The following FGF12 variants were observed in gnomAD, a reference collection of about 807,000 sequenced individuals.
The protein encoded by FGF12 is fibroblast growth factor 12B.
FGF12 carries 14 observed loss-of-function variants against 23.6 expected under a neutral mutation model. That is an observed-to-expected ratio of 0.59 (90% CI 0.39 to 0.93). The LOEUF is 0.93. Among genes scored for constraint, FGF12 ranks in the 40% least tolerant of loss-of-function variants. The pLI is 0.00. For missense variants in FGF12, 175 were observed against 217.8 expected, an observed-to-expected ratio of 0.80 and a Z score of 1.24; for synonymous variants, 62 against 77.3, an observed-to-expected ratio of 0.80 and a Z score of 1.04.
At chr3:192,451,814 G>A (rs1157993914) in intron 2 of FGF12, among the ~76,000 whole-genome samples, 1 of 152,126 alleles carries the variant, frequency 6.6e-6, no homozygotes, top group East Asian at 1.9e-4. Flanking sequence ...ATTTATTTAT[G>A]CATTCCGCTA....
rs551685342 is a variant in FGF12 at position 192,569,529 on chromosome 3, A to G, written c.13+157652T>C. Among the ~76,000 whole-genome samples the G allele has an allele frequency of 3.9e-5, 6 of 152,364 alleles. No individual in the cohort carries two copies. The South Asian group carries it at 1.2e-3, about 32-fold the overall frequency. On this transcript the variant is annotated intron_variant, in intron 2 of 5. Coordinates refer to ENST00000445105, the MANE Select transcript of FGF12 (RefSeq NM_004113.6). Reference sequence around the variant, plus strand: ...TATTGTGCTTACATTTCTTTTGCCAAGCAAGTCATTTGTACACACCTAACT... The same window carrying G: ...TATTGTGCTTACATTTCTTTTGCCAGGCAAGTCATTTGTACACACCTAACT...
chr3:192,408,556 G>T lies in FGF12; in HGVS notation c.14-48018C>A. 1 of 1,148,678 alleles carries T rather than the reference G, an allele frequency of 8.7e-7. No homozygotes were observed. Among genetic ancestry groups the T allele is most frequent in the South Asian group, 2.8e-5 (1 of 35,202 alleles). 71.2% of individuals were successfully genotyped at this position (1,148,678 alleles called of 1,614,324 possible). ...GCGATCGGCGTCCAAGGGGCAGTGG[G>T]GAGTTTAGTCACACTGCGTTCGGGG... is the stretch of plus-strand genomic sequence containing the variant. On this transcript the variant is annotated intron_variant, in intron 2 of 5. Transcript: ENST00000445105. The surrounding 1 kb of genome is among the most constrained non-coding windows in gnomAD (Gnocchi z 7.3).
In FGF12 at chr3:192,336,938, T is replaced by C. The variant is rs190789203; in HGVS notation, c.125-1474A>G. 7.2e-5 allele frequency among the ~76,000 whole-genome samples: 11 copies of C among 152,314 alleles called. No homozygotes were observed. The East Asian group carries it at 1.7e-3, about 24-fold the overall frequency. On this transcript the variant is annotated intron_variant, in intron 3 of 5. Transcript: ENST00000445105. This position sits in a 1 kb window ranked among gnomAD's most constrained non-coding sequence, Gnocchi z 4.3. ...GACATCGGATCAGTCCTTTTGCCTCTTTGAATCCATTTCCACATTTTTTAC... is the reference window on the plus strand; with the variant it reads ...GACATCGGATCAGTCCTTTTGCCTCCTTGAATCCATTTCCACATTTTTTAC...
intron 2 of FGF12, among the ~76,000 whole-genome samples, chr3:192,547,512 T>C (rs186448196): frequency 9.8e-5 from 15 of 152,312 alleles, no homozygotes; most frequent in Admixed American, 2.6e-4. Context: ...TAATAAATGA[T>C]TATTATAATT....
At chr3:192,697,363 T>C (rs924993181) in intron 2 of FGF12, among the ~76,000 whole-genome samples, 1 of 152,176 alleles carries the variant, frequency 6.6e-6, no homozygotes, top group Non-Finnish European at 1.5e-5. Context: ...TTCTTGTCTC[T>C]CCCATCAGCA....
At chr3:192,180,751 C>T (rs976105457) in intron 4 of FGF12, among the ~76,000 whole-genome samples, 5 of 152,058 alleles carry the variant, frequency 3.3e-5, no homozygotes, top group African/African-American at 7.3e-5. Flanking sequence ...CTTAACTTTC[C>T]GATGTAAGCA....
chr3:192,610,369 A>T (rs1393974759), intron 2 of FGF12, among the ~76,000 whole-genome samples: 1 of 152,068 alleles, frequency 6.6e-6, no homozygotes, highest in Non-Finnish European at 1.5e-5. Context: ...GCTCCAAGAA[A>T]ATATGAACAG....
chr3:192,715,098 G>C (rs1437882640), intron 2 of FGF12, among the ~76,000 whole-genome samples: 1 of 152,188 alleles, frequency 6.6e-6, no homozygotes, highest in Non-Finnish European at 1.5e-5. Context: ...TTCTTGAAAA[G>C]CTAGTGAATA....
intron 2 of FGF12, among the ~76,000 whole-genome samples, chr3:192,670,484 TAAC>T (rs1717070343): frequency 6.6e-6 from 1 of 152,118 alleles, no homozygotes; most frequent in South Asian, 2.1e-4. Flanking sequence ...GGACAATCTT[TAAC>T]AACAATAGTA....
intron 2 of FGF12, among the ~76,000 whole-genome samples, chr3:192,718,978 C>A (rs1250790772): frequency 6.7e-6 from 1 of 149,688 alleles, no homozygotes; most frequent in East Asian, 1.9e-4. Context: ...CAATAATGGG[C>A]AAACCGAGTT....
At chr3:192,723,725 T>C (rs1719111186) in intron 2 of FGF12, among the ~76,000 whole-genome samples, 1 of 151,912 alleles carries the variant, frequency 6.6e-6, no homozygotes, top group Admixed American at 6.6e-5. Context: ...GGGTATGGCC[T>C]AAGCATCTTT....
Position 192,597,350 on chromosome 3 carries a change from T to C in FGF12, c.13+129831A>G, listed in dbSNP as rs75834600. The stretch of plus-strand genomic sequence containing the variant: ...AAATATAGGCATATTATTGCAATAC[T>C]AATACAGTTTTCCATTGACTAGTAC... On this transcript the variant is annotated intron_variant, in intron 2 of 5. Transcript: ENST00000445105. Among the ~76,000 whole-genome samples, 337 of 152,310 alleles carry C rather than the reference T, an allele frequency of 2.2e-3. 2 individuals carry two copies. The highest frequency in any genetic ancestry group is 7.8e-3 in the African/African-American group (324 of 41,566).
chr3:192,329,108 T>C (rs1716977952), intron 4 of FGF12, among the ~76,000 whole-genome samples: 1 of 152,192 alleles, frequency 6.6e-6, no homozygotes, highest in Non-Finnish European at 1.5e-5. Context: ...TGTTTAATGC[T>C]GTGGTTGGGC....
chr3:192,605,385 A>C (rs1240081795), intron 2 of FGF12, among the ~76,000 whole-genome samples: 1 of 152,032 alleles, frequency 6.6e-6, no homozygotes, highest in East Asian at 1.9e-4. Flanking sequence ...GTCTCAAAAA[A>C]AAAAAAAAAA....
At chr3:192,494,738 G>C (rs1253584056) in intron 2 of FGF12, among the ~76,000 whole-genome samples, 4 of 151,798 alleles carry the variant, frequency 2.6e-5, no homozygotes, top group Non-Finnish European at 5.9e-5. Context: ...TTAATATGTG[G>C]GACACAGATT....
chr3:192,474,640 C>T (rs1161095735), intron 2 of FGF12, among the ~76,000 whole-genome samples: 1 of 152,094 alleles, frequency 6.6e-6, no homozygotes, highest in Non-Finnish European at 1.5e-5. Flanking sequence ...AATCTCAACA[C>T]TTTGGGAGGC....
At chr3:192,482,601 G>A (rs1196286493) in intron 2 of FGF12, among the ~76,000 whole-genome samples, 1 of 152,022 alleles carries the variant, frequency 6.6e-6, no homozygotes, top group Non-Finnish European at 1.5e-5. Flanking sequence ...ATCAGTGCAC[G>A]CCAGCCTGGG....
intron 2 of FGF12, among the ~76,000 whole-genome samples, chr3:192,379,806 C>T (rs1719739827): frequency 6.6e-6 from 1 of 152,202 alleles, no homozygotes; most frequent in Non-Finnish European, 1.5e-5. Flanking sequence ...AGACTTAAGT[C>T]CCAGTCCCAG....
intron 4 of FGF12, among the ~76,000 whole-genome samples, chr3:192,330,994 TC>T (rs1717086044): frequency 6.6e-6 from 1 of 151,932 alleles, no homozygotes; most frequent in Admixed American, 6.6e-5. Flanking sequence ...TATAAAGAAC[TC>T]CTACAACTCA....
Sources: gnomAD v4.1 joint callset for allele counts (sites outside exome capture counted in the v4.1 genomes callset) on GRCh38, gnomAD v4.1.1 for gene constraint, Gnocchi (gnomAD v3.1) non-coding constraint, MANE v1.5 for transcripts, NCBI Gene and HGNC (gene_info 2026-07-23, HGNC 2026-07-21) for gene names.